The following ARPC5L variants were observed in gnomAD, a reference collection of about 807,000 sequenced individuals.
The protein encoded by ARPC5L is actin related protein 2/3 complex subunit 5 like, also known as actin-related protein 2/3 complex subunit 5-like protein.
ARPC5L carries 4 observed loss-of-function variants against 16.9 expected under a neutral mutation model. The ratio of observed to expected loss-of-function variants is 0.24; its 90% confidence interval spans 0.12 to 0.54. ARPC5L has a LOEUF of 0.54. ARPC5L is among the 20% of genes least tolerant of loss of function. The pLI is 0.95. For synonymous variants in ARPC5L, 78 were observed against 82.6 expected, an observed-to-expected ratio of 0.94 and a Z score of 0.30; for missense variants, 151 against 201.9, an observed-to-expected ratio of 0.75 and a Z score of 1.53.
chr9:124,869,153 G>GAGCCAGGCCCGGACC lies in ARPC5L; in HGVS notation c.-138_-137insAGCCAGGCCCGGACC. Reference sequence around the variant, plus strand: ...CGGAAGTGGGCGGGCGGCGGCGGCTGCGCGCGGAGGCGGTGGAGGAGGTGC... The same window carrying GAGCCAGGCCCGGACC: ...CGGAAGTGGGCGGGCGGCGGCGGCTGAGCCAGGCCCGGACCCGCGCGGAGGCGGTGGAGGAGGTGC... On this transcript the variant is annotated 5_prime_UTR_variant, in exon 3 of 6. Coordinates refer to ENST00000353214, the MANE Select transcript of ARPC5L (RefSeq NM_030978.3). The GAGCCAGGCCCGGACC allele has an allele frequency of 9.7e-7, 1 of 1,026,132 alleles. No individual in the cohort carries two copies. The allele number at this position is 1,026,132 out of a possible 1,614,324, so 63.6% of individuals were successfully genotyped here.
At chr9:124,862,506 CTTTTTTTTTTTT>C (rs59998816) in intron 1 of ARPC5L, 108 bp downstream of exon 1, 1 of 106,756 alleles carries the variant, frequency 9.4e-6, no homozygotes, top group Admixed American at 1.1e-4. Flanking sequence ...GCATTTACAC[CTTTTTTTTTTTT>C]TTTTTTTTTG....
chr9:124,874,386 G>A (rs1829402855), intron 4 of ARPC5L, among the ~76,000 whole-genome samples: 1 of 152,084 alleles, frequency 6.6e-6, no homozygotes, highest in Non-Finnish European at 1.5e-5. Context: ...AGTATAATAA[G>A]GCCTTATTGG....
At chr9:124,866,711 TC>T in intron 2 of ARPC5L, among the ~76,000 whole-genome samples, 1 of 152,082 alleles carries the variant, frequency 6.6e-6, no homozygotes, top group South Asian at 2.1e-4. Flanking sequence ...AGAGCAAAAC[TC>T]CGTCTCAAAA....
At chr9:124,868,001 G>A (rs1414189881) in intron 2 of ARPC5L, among the ~76,000 whole-genome samples, 1 of 151,856 alleles carries the variant, frequency 6.6e-6, no homozygotes, top group Admixed American at 6.6e-5. Flanking sequence ...TAGACACGGG[G>A]TTTCAGCATT....
rs1157242599 is a variant in ARPC5L at position 124,864,118 on chromosome 9, C to T, written c.-864+11C>T. 6.6e-6 allele frequency: 1 copy of T among 151,728 alleles called. No homozygotes were observed. The highest frequency in any genetic ancestry group is 1.5e-5 in the Non-Finnish European group (1 of 67,978). 9.4% of individuals were successfully genotyped at this position (151,728 alleles called of 1,614,324 possible). ...TTGACCCACACCAAGGTGAGGAAGG[C>T]TTTCAGGAGGTGGAGGGATATGGGG... On this transcript the variant is annotated intron_variant, in intron 2 of 5. Coordinates refer to ENST00000353214, the MANE Select transcript of ARPC5L (RefSeq NM_030978.3).
rs552208062 is a variant in ARPC5L, at chr9:124,866,411, A to G, written c.-863-2017A>G. Among the ~76,000 whole-genome samples the G allele has an allele frequency of 1.4e-4, 21 of 152,106 alleles. No individual in the cohort carries two copies. The East Asian group carries it at 4.1e-3, about 29-fold the overall frequency. On this transcript the variant is annotated intron_variant, in intron 2 of 5. Transcript: ENST00000353214. ...AGAGTGAGGCTCCATCTCAAAAAAA[A>G]TGAATAAAATAAAACAAAATAAGAA...
chr9:124,869,222 G>C lies in ARPC5L; in HGVS notation c.-69G>C. ...CGCTTCCCGCCCCCGAGCAGGAGCC[G>C]GTGCGAGCGGAGCAGAGCCGAGGTC... On this transcript the variant is annotated 5_prime_UTR_variant, in exon 3 of 6. Transcript: ENST00000353214. 1.5e-6 allele frequency: 2 copies of C among 1,376,156 alleles called. No homozygotes were observed. The highest frequency in any genetic ancestry group is 1.9e-6 in the Non-Finnish European group (2 of 1,062,916). 85.2% of individuals were successfully genotyped at this position (1,376,156 alleles called of 1,614,324 possible).
At chr9:124,872,688 A>G (rs1829377121) in intron 3 of ARPC5L, 1 of 152,312 alleles carries the variant, frequency 6.6e-6, no homozygotes, top group African/African-American at 2.4e-5. Flanking sequence ...CAGAACTGAA[A>G]GACAGAGGGA....
chr9:124,862,130 A>T lies in ARPC5L; in HGVS notation c.-1252A>T, dbSNP rs540555071. The T allele has an allele frequency of 1.7e-5, 9 of 528,934 alleles. No individual in the cohort carries two copies. Among genetic ancestry groups the T allele is most frequent in the South Asian group, 3.1e-5 (1 of 32,378 alleles). 32.8% of individuals were successfully genotyped at this position (528,934 alleles called of 1,614,324 possible). ...AGCCCCGCCTTGTAGTGCTCGCCTC[A>T]TTCACGGCACCCCTGATAGCGAGGT... On this transcript the variant is annotated 5_prime_UTR_variant, in exon 1 of 6. Coordinates refer to ENST00000353214, the MANE Select transcript of ARPC5L (RefSeq NM_030978.3).
rs1185976524 is a variant in ARPC5L, at chr9:124,862,229, C to A, written c.-1153C>A. ...GGCGGCAGCTACCAGAGATGGCACA[C>A]GGAGGACTCAAATTCGTCCATTCAG... is the stretch of plus-strand genomic sequence containing the variant. On this transcript the variant is annotated 5_prime_UTR_variant, in exon 1 of 6. Coordinates refer to ENST00000353214, the MANE Select transcript of ARPC5L (RefSeq NM_030978.3). 2.6e-6 allele frequency: 1 copy of A among 379,726 alleles called. No individual in the cohort carries two copies. The highest frequency in any genetic ancestry group is 4.0e-5 in the East Asian group (1 of 24,956). The allele number at this position is 379,726 out of a possible 1,614,324, so 23.5% of individuals were successfully genotyped here. A position where few individuals can be genotyped will look rare whatever the true frequency, so the allele number is the denominator to read the frequency against.
In ARPC5L at chr9:124,873,699, A is replaced by G. The variant is rs1176398353; in HGVS notation, c.157A>G (p.Met53Val). Residue 53 changes from methionine to valine, a missense_variant, in exon 4 of 6, where the codon ATG (methionine) becomes GTG (valine). Physicochemically the swap from Met to Val is conservative, Grantham distance 21. Coordinates refer to ENST00000353214, the MANE Select transcript of ARPC5L (RefSeq NM_030978.3). ...TAACTGGTGGTGATGCACAGGGGAC[A>G]TGCTTCGGGCATTCCATGCAGCCTT... ...EVDGLLRQGD[M>V]LRAFHAALRN... 7 of 1,614,072 alleles carry G rather than the reference A, an allele frequency of 4.3e-6. No individual in the cohort carries two copies. Among genetic ancestry groups the G allele is most frequent in the African/African-American group, 2.7e-5 (2 of 74,934 alleles).
intron 3 of ARPC5L, among the ~76,000 whole-genome samples, chr9:124,871,447 G>A (rs567467840): frequency 6.6e-6 from 1 of 152,210 alleles, no homozygotes; most frequent in Non-Finnish European, 1.5e-5. Context: ...ATGCAGCTCG[G>A]GTCTGCAGAT....
chr9:124,866,634 C>G (rs1279106422), intron 2 of ARPC5L, among the ~76,000 whole-genome samples: 2 of 152,098 alleles, frequency 1.3e-5, no homozygotes, highest in Non-Finnish European at 2.9e-5. Context: ...GGCAGAATTG[C>G]TTGAACCCGG....
intron 3 of ARPC5L, among the ~76,000 whole-genome samples, chr9:124,871,378 C>G (rs1829357631): frequency 6.6e-6 from 1 of 152,210 alleles, no homozygotes; most frequent in Admixed American, 6.5e-5. Flanking sequence ...TTCCTAGATT[C>G]CGTGGGAGCC....
chr9:124,869,150 G>C lies in ARPC5L; in HGVS notation c.-141G>C, dbSNP rs1243781879. ...TGCCGGAAGTGGGCGGGCGGCGGCG[G>C]CTGCGCGCGGAGGCGGTGGAGGAGG... On this transcript the variant is annotated 5_prime_UTR_variant, in exon 3 of 6. Coordinates refer to ENST00000353214, the MANE Select transcript of ARPC5L (RefSeq NM_030978.3). The C allele has an allele frequency of 3.9e-6, 4 of 1,020,360 alleles. No individual in the cohort carries two copies. The highest frequency in any genetic ancestry group is 5.1e-6 in the Non-Finnish European group (4 of 786,282). The allele number at this position is 1,020,360 out of a possible 1,614,324, so 63.2% of individuals were successfully genotyped here.
In ARPC5L at chr9:124,869,204, C is replaced by T. The variant is rs548655231; in HGVS notation, c.-87C>T. 1.3e-5 allele frequency: 17 copies of T among 1,329,142 alleles called. No individual in the cohort carries two copies. The African/African-American group carries it at 2.3e-4, about 18-fold the overall frequency. 82.3% of individuals were successfully genotyped at this position (1,329,142 alleles called of 1,614,324 possible). A position where few individuals can be genotyped will look rare whatever the true frequency, so the allele number is the denominator to read the frequency against. On this transcript the variant is annotated 5_prime_UTR_variant, in exon 3 of 6. Coordinates refer to ENST00000353214, the MANE Select transcript of ARPC5L (RefSeq NM_030978.3). ...TGGGAGCAGCCGGGCAGCCGCTTCC[C>T]GCCCCCGAGCAGGAGCCGGTGCGAG...
chr9:124,870,824 C>T (rs1227016742), intron 3 of ARPC5L, among the ~76,000 whole-genome samples: 1 of 152,172 alleles, frequency 6.6e-6, no homozygotes, highest in Non-Finnish European at 1.5e-5. Flanking sequence ...GGTCTGGGTG[C>T]AGAACCTTGT....
chr9:124,875,228 G>A (rs1162072260), intron 5 of ARPC5L, 77 bp downstream of exon 5: 15 of 1,522,424 alleles, frequency 9.9e-6, no homozygotes, highest in Middle Eastern at 4.5e-4. Context: ...AGATTTTCCA[G>A]AACAAACGTA....
chr9:124,867,198 A>G (rs1020931583), intron 2 of ARPC5L, among the ~76,000 whole-genome samples: 1 of 149,004 alleles, frequency 6.7e-6, no homozygotes, highest in East Asian at 2.0e-4. Flanking sequence ...CTGGAGTGCA[A>G]TGGTGTGATC....
Sources: gnomAD v4.1 joint callset for allele counts (sites outside exome capture counted in the v4.1 genomes callset) on GRCh38, gnomAD v4.1.1 for gene constraint, MANE v1.5 for transcripts, NCBI Gene and HGNC (gene_info 2026-07-23, HGNC 2026-07-21) for gene names.